The following RNF213 variants were observed in gnomAD, a reference collection of about 807,000 sequenced individuals.
The protein encoded by RNF213 is E3 ubiquitin-protein ligase RNF213.
A neutral mutation model predicts 514.4 loss-of-function variants in RNF213; 341 were observed. The ratio of observed to expected loss-of-function variants is 0.66; its 90% CI spans 0.61 to 0.73. The LOEUF (loss-of-function observed/expected upper bound fraction) is 0.73, where lower values mean the gene tolerates loss of function less well. RNF213 is among the 30% of genes least tolerant of loss of function. The pLI, the probability that RNF213 is intolerant of heterozygous loss-of-function variation, is 0.00. For synonymous variants in RNF213, 2,655 were observed against 2,658.2 expected (o/e 1.00, Z 0.04); for missense variants, 5,767 against 6,615.6 (o/e 0.87, Z 4.45).
At chr17:80,350,443 C>A in intron 31 of RNF213, 47 bp downstream of exon 31, 1 of 1,217,244 alleles carries the variant, frequency 8.2e-7, no homozygotes, top group South Asian at 1.2e-5. Flanking sequence ...AAACCCAAAA[C>A]GTAGGAAGTC....
intron 57 of RNF213, 153 bp downstream of exon 57, chr17:80,381,880 G>A (rs1014822595): frequency 1.1e-5 from 9 of 789,998 alleles, no homozygotes; most frequent in South Asian, 4.9e-5. Flanking sequence ...AGAGAAAACC[G>A]TGTCTAGGGA....
In RNF213 at chr17:80,367,858, T is replaced by G. The variant is rs762621760; in HGVS notation, c.11972+10T>G. ...GCAAGACCCTCAGCAGGTGAGACCT[T>G]AGGTTTGGATCTGTGAAGGCGAGAA... On this transcript the variant is annotated intron_variant, in intron 43 of 67. Transcript: ENST00000582970. 6.2e-7 allele frequency: 1 copy of G among 1,614,086 alleles called. No individual in the cohort carries two copies. The highest frequency in any genetic ancestry group is 2.2e-5 in the East Asian group (1 of 44,884).
At chr17:80,387,456 C>T (rs997907605) in intron 63 of RNF213, among the ~76,000 whole-genome samples, 1 of 152,178 alleles carries the variant, frequency 6.6e-6, no homozygotes, top group Admixed American at 6.5e-5. Flanking sequence ...ACCCCCACAG[C>T]CCCTCTTCCT....
At chr17:80,329,545 G>A (rs1317319182) in intron 20 of RNF213, among the ~76,000 whole-genome samples, 1 of 151,984 alleles carries the variant, frequency 6.6e-6, no homozygotes, top group Non-Finnish European at 1.5e-5. Context: ...ATGTTCCATC[G>A]AGGCTGGGCA....
intron 3 of RNF213, among the ~76,000 whole-genome samples, chr17:80,277,628 C>A (rs9890007): frequency 0.51 from 74,496 of 144,804 alleles, 19,686 homozygotes; most frequent in African/African-American, 0.62. Flanking sequence ...GCCTAAATAT[C>A]CACATATCCA....
At chr17:80,389,495 A>G (rs903176377) in intron 65 of RNF213, 128 bp downstream of exon 65, 1 of 815,338 alleles carries the variant, frequency 1.2e-6, no homozygotes, top group Non-Finnish European at 2.1e-6. Flanking sequence ...GACAAGAACA[A>G]CTGCTCACCC....
chr17:80,274,832 T>G (rs1270140390), intron 3 of RNF213, among the ~76,000 whole-genome samples: 6 of 13,128 alleles, frequency 4.6e-4, no homozygotes, highest in Admixed American at 2.1e-3. Flanking sequence ...CTGTGGGGGG[T>G]GAGTGGGGGG....
chr17:80,311,241 C>CA (rs1677142691), intron 14 of RNF213, among the ~76,000 whole-genome samples: 1 of 152,182 alleles, frequency 6.6e-6, no homozygotes, highest in Admixed American at 6.5e-5. Flanking sequence ...TTAAACAAAG[C>CA]AAAAATACGT....
chr17:80,270,443 A>G (rs2043784457), intron 2 of RNF213, among the ~76,000 whole-genome samples: 1 of 152,116 alleles, frequency 6.6e-6, no homozygotes, highest in Admixed American at 6.6e-5. Context: ...CCCCTGCACA[A>G]AGCTTCTCTG....
intron 15 of RNF213, 151 bp downstream of exon 15, chr17:80,313,318 GTCTA>G: frequency 6.4e-6 from 7 of 1,090,784 alleles, no homozygotes; most frequent in Non-Finnish European, 9.7e-6. Flanking sequence ...AGTTGCTCCT[GTCTA>G]CCTGGCAGGG....
rs145282452 is a variant in RNF213, at chr17:80,380,889, G to A, written c.13699G>A (p.Val4567Met). ...HVLGNPQRRDVVTCDRGLPPV... is the reference protein window; with the variant it reads ...HVLGNPQRRDMVTCDRGLPPV... ...GCTGGGCAACCCGCAGCGGAGAGAC[G>A]TGGTGACATGTGACCGAGGGCTGCC... The change falls in exon 56 of 68, where the codon GTG (valine) becomes ATG (methionine). Residue 4567 changes from valine (V) to methionine (M), a missense_variant. Physicochemically the swap from Val to Met is conservative, Grantham distance 21. Transcript: ENST00000582970. 7.2e-5 allele frequency: 116 copies of A among 1,614,160 alleles called. No homozygotes were observed. The African/African-American group carries it at 8.4e-4, about 12-fold the overall frequency.
chr17:80,286,536 C>T (rs1057190577), intron 3 of RNF213, among the ~76,000 whole-genome samples: 7 of 152,184 alleles, frequency 4.6e-5, no homozygotes, highest in African/African-American at 7.2e-5. Context: ...AGGGGCCGAC[C>T]GTCAGCCGAG....
intron 3 of RNF213, among the ~76,000 whole-genome samples, chr17:80,281,654 C>CCA (rs2044305938): frequency 6.7e-6 from 1 of 149,700 alleles, no homozygotes; most frequent in Non-Finnish European, 1.5e-5. Context: ...CCACTCACCC[C>CCA]ACTCACACAC....
At chr17:80,280,367 A>G (rs2044215986) in intron 3 of RNF213, among the ~76,000 whole-genome samples, 1 of 152,210 alleles carries the variant, frequency 6.6e-6, no homozygotes, top group Admixed American at 6.5e-5. Flanking sequence ...CACTGCAGAG[A>G]TGTCTGCTGT....
At chr17:80,369,433 C>T (rs2079422316) in intron 44 of RNF213, 69 bp from the exon 45 acceptor site, 4 of 1,296,788 alleles carry the variant, frequency 3.1e-6, no homozygotes, top group Middle Eastern at 2.6e-4. Context: ...CTGTGCAAAT[C>T]TCAAGTCATT....
chr17:80,387,089 C>T (rs904329219), intron 63 of RNF213, among the ~76,000 whole-genome samples, 198 bp downstream of exon 63: 3 of 152,256 alleles, frequency 2.0e-5, no homozygotes, highest in Admixed American at 1.3e-4. Flanking sequence ...CCCTCTCCTG[C>T]AGGGCCATCT....
At chr17:80,349,604 C>T (rs929070195) in intron 29 of RNF213, among the ~76,000 whole-genome samples, 166 bp from the exon 30 acceptor site, 10 of 152,308 alleles carry the variant, frequency 6.6e-5, no homozygotes, top group South Asian at 2.1e-4. Context: ...TCGGCCCCAG[C>T]GCTGCCGTGT....
At chr17:80,324,986 A>G (rs1226057261) in intron 17 of RNF213, 44 bp from the exon 18 acceptor site, 1 of 1,516,646 alleles carries the variant, frequency 6.6e-7, no homozygotes, top group South Asian at 1.2e-5. Flanking sequence ...AAACAAACTA[A>G]TGAAAAACTT....
chr17:80,309,246 A>T, intron 14 of RNF213, 75 bp downstream of exon 14: 1 of 1,565,250 alleles, frequency 6.4e-7, no homozygotes. Context: ...TTTGGAAAGG[A>T]AACAGACTGA....
Sources: allele counts gnomAD v4.1 joint callset (sites outside exome capture counted in the v4.1 genomes callset), GRCh38; gene constraint gnomAD v4.1.1; transcripts MANE v1.5; gene names NCBI Gene and HGNC (gene_info 2026-07-23, HGNC 2026-07-21).